NAALADL2: variants seen among roughly 807,000 people sequenced by gnomAD.
NAALADL2 encodes inactive N-acetylated-alpha-linked acidic dipeptidase-like protein 2.
In NAALADL2, 76 loss-of-function variants were observed where a neutral mutation model predicts 87.2. The observed-to-expected ratio is 0.87, with a 90% CI of 0.72 to 1.05. The LOEUF (loss-of-function observed/expected upper bound fraction) is 1.05. Ranked by LOEUF, NAALADL2 falls within the 50% of genes least tolerant of loss-of-function variation. The pLI, the probability that NAALADL2 is intolerant of heterozygous loss-of-function variation, is 0.00. For missense variants in NAALADL2, 1,089 were observed against 945.8 expected (o/e 1.15, Z -1.99); for synonymous variants, 354 against 331.0 (o/e 1.07, Z -0.75).
intron 1 of NAALADL2, among the ~76,000 whole-genome samples, chr3:174,452,724 C>A (rs947190423): frequency 1.1e-4 from 16 of 151,542 alleles, no homozygotes; most frequent in African/African-American, 3.6e-4. Context: ...CACCTTATTA[C>A]ACAGTCAAAT....
At chr3:174,818,598 C>T (rs1325030109) in intron 3 of NAALADL2, among the ~76,000 whole-genome samples, 2 of 152,138 alleles carry the variant, frequency 1.3e-5, no homozygotes, top group Non-Finnish European at 2.9e-5. Flanking sequence ...CTTATTTTCT[C>T]CTTCCTCTAC....
At chr3:174,735,085 C>T (rs1208659377) in intron 2 of NAALADL2, among the ~76,000 whole-genome samples, 1 of 152,032 alleles carries the variant, frequency 6.6e-6, no homozygotes, top group Middle Eastern at 3.2e-3. Context: ...TTTCAAGTAT[C>T]TCAAAACTAA....
At chr3:175,222,944 G>T (rs188442888) in intron 2 of NAALADL2, among the ~76,000 whole-genome samples, 126 of 152,088 alleles carry the variant, frequency 8.3e-4, no homozygotes, top group African/African-American at 3.0e-3. Flanking sequence ...CATTCAACCT[G>T]TTGTGGTATT....
intron 5 of NAALADL2, among the ~76,000 whole-genome samples, chr3:175,392,019 G>A (rs912315350): frequency 2.0e-5 from 3 of 152,164 alleles, no homozygotes; most frequent in Admixed American, 6.5e-5. Flanking sequence ...TTTTACGAAT[G>A]AAGAAATTGA....
intron 11 of NAALADL2, among the ~76,000 whole-genome samples, chr3:175,724,284 TAA>T (rs1742645200): frequency 6.6e-6 from 1 of 152,172 alleles, no homozygotes; most frequent in South Asian, 2.1e-4. Context: ...ACTATTAATA[TAA>T]GAGTCCTGTT....
chr3:175,340,173 T>C (rs1364246897), intron 5 of NAALADL2, among the ~76,000 whole-genome samples: 1 of 152,164 alleles, frequency 6.6e-6, no homozygotes, highest in Non-Finnish European at 1.5e-5. Context: ...GTATAAGTCA[T>C]AGAAGAAATG....
intron 4 of NAALADL2, among the ~76,000 whole-genome samples, chr3:175,289,501 A>G (rs930220939): frequency 5.9e-5 from 9 of 152,282 alleles, no homozygotes; most frequent in African/African-American, 2.2e-4. Context: ...TTAGACTTAA[A>G]AGGAAATACT....
chr3:175,716,278 ATAT>A (rs1044789466), intron 11 of NAALADL2, among the ~76,000 whole-genome samples: 2 of 144,698 alleles, frequency 1.4e-5, no homozygotes, highest in African/African-American at 2.6e-5. Flanking sequence ...TATATAATAT[ATAT>A]TATGTTATTA....
chr3:175,619,418 T>G (rs1173144663), intron 10 of NAALADL2, among the ~76,000 whole-genome samples: 4 of 148,708 alleles, frequency 2.7e-5, no homozygotes, highest in Non-Finnish European at 5.9e-5. Context: ...ATCCATTGCA[T>G]AGAAAACCTT....
intron 5 of NAALADL2, among the ~76,000 whole-genome samples, chr3:175,331,172 C>CA (rs147134263): frequency 0.071 from 10,775 of 152,016 alleles, 508 homozygotes; most frequent in East Asian, 0.2. Flanking sequence ...CCAACAACAA[C>CA]AAAAAAACCT....
chr3:175,227,892 T>C (rs1744389928), intron 2 of NAALADL2, among the ~76,000 whole-genome samples: 2 of 152,052 alleles, frequency 1.3e-5, no homozygotes, highest in East Asian at 3.9e-4. Context: ...ACTTGATAAA[T>C]TTAAAATAAA....
intron 2 of NAALADL2, among the ~76,000 whole-genome samples, chr3:174,689,533 C>T (rs906756550): frequency 2.0e-5 from 3 of 152,020 alleles, no homozygotes; most frequent in African/African-American, 7.2e-5. Context: ...GTATGAACAT[C>T]ACCGGGGAGC....
At chr3:174,705,677 G>T (rs1348263010) in intron 2 of NAALADL2, among the ~76,000 whole-genome samples, 1 of 151,878 alleles carries the variant, frequency 6.6e-6, no homozygotes, top group Admixed American at 6.6e-5. Context: ...CAGCTACTCG[G>T]GAGGCTGAGG....
intron 13 of NAALADL2, among the ~76,000 whole-genome samples, chr3:175,795,196 T>G (rs1240248936): frequency 1.3e-5 from 2 of 152,220 alleles, no homozygotes; most frequent in East Asian, 3.9e-4. Context: ...ATAACAATGG[T>G]TGACTTTGGT....
chr3:174,597,466 A>T (rs1315823663), intron 2 of NAALADL2, among the ~76,000 whole-genome samples: 1 of 152,228 alleles, frequency 6.6e-6, no homozygotes, highest in East Asian at 1.9e-4. Context: ...CTATGTTCCT[A>T]GACGTCAGCA....
intron 2 of NAALADL2, among the ~76,000 whole-genome samples, chr3:174,729,763 TAAAAG>T (rs1732535262): frequency 6.6e-6 from 1 of 152,038 alleles, no homozygotes. Flanking sequence ...TGAAAAAAAT[TAAAAG>T]AATGAGTTGA....
At position 175,105,565 on chromosome 3, in the gene NAALADL2, T is replaced by C. The variant is rs545600521; in HGVS notation, c.545+8274T>C. Among the ~76,000 whole-genome samples the C allele has an allele frequency of 1.6e-4, 15 of 95,886 alleles. No individual in the cohort carries two copies. The East Asian group carries it at 4.2e-3, about 27-fold the overall frequency. 62.9% of individuals were successfully genotyped at this position (95,886 alleles called of 152,430 possible). On this transcript the variant is annotated intron_variant, in intron 2 of 13. Transcript: ENST00000454872. ...TTATATATAGATTTATATATATTTATATATTCATACACACACACATACACA... is the reference window on the plus strand; with the variant it reads ...TTATATATAGATTTATATATATTTACATATTCATACACACACACATACACA...
intron 1 of NAALADL2, among the ~76,000 whole-genome samples, chr3:174,965,563 A>G (rs1044376405): frequency 1.3e-5 from 2 of 152,140 alleles, no homozygotes; most frequent in African/African-American, 2.4e-5. Flanking sequence ...AGAGATGGGA[A>G]GTTAATTGAA....
chr3:175,106,174 A>G (rs1288695478), intron 2 of NAALADL2, among the ~76,000 whole-genome samples: 1 of 152,090 alleles, frequency 6.6e-6, no homozygotes, highest in Non-Finnish European at 1.5e-5. Flanking sequence ...TAGTAAGCAA[A>G]TGTCCTTTTC....
Sources: gnomAD v4.1 joint callset for allele counts (sites outside exome capture counted in the v4.1 genomes callset) on GRCh38, gnomAD v4.1.1 for gene constraint, MANE v1.5 for transcripts, NCBI Gene and HGNC (gene_info 2026-07-23, HGNC 2026-07-21) for gene names.